Variants in PAK4 observed in about 807,000 individuals in gnomAD.
PAK4 encodes the protein p21 (RAC1) activated kinase 4.
In PAK4, 49 loss-of-function variants were observed where a neutral mutation model predicts 53.5. That is an observed-to-expected ratio of 0.92 (90% CI 0.73 to 1.16). The LOEUF is 1.16. Ranked by LOEUF, PAK4 falls within the 50% of genes most tolerant of loss-of-function variation. The probability of loss-of-function intolerance (pLI) is 0.00; values close to 1 mark genes in which losing one functional copy is unlikely to be tolerated. For synonymous variants in PAK4, 376 were observed against 375.6 expected, an observed-to-expected ratio of 1.00 and a Z score of -0.01; for missense variants, 824 against 850.7, an observed-to-expected ratio of 0.97 and a Z score of 0.39.
chr19:39,156,716 G>C (rs750247), intron 1 of PAK4: 45,574 of 152,302 alleles, frequency 0.3, 7,386 homozygotes, highest in Middle Eastern at 0.39. Context: ...AGCCCAGGCA[G>C]CCCTCCTCGG....
At chr19:39,137,791 G>C (rs112571653) in intron 1 of PAK4, among the ~76,000 whole-genome samples, 1 of 151,136 alleles carries the variant, frequency 6.6e-6, no homozygotes, top group African/African-American at 2.4e-5. Context: ...CTCAGCCTCC[G>C]GAGTAGCTGG....
chr19:39,175,513 T>G lies in PAK4; in HGVS notation c.1359+75T>G. The stretch of plus-strand genomic sequence containing the variant: ...GGCTTCCCTGCCTCTTCCCATCCCC[T>G]GTGAGGGTAGGTGAGCTCTGACCCC... On this transcript the variant is annotated intron_variant, in intron 6 of 8. Coordinates refer to ENST00000358301, the Ensembl canonical transcript of PAK4. The surrounding 1 kb of genome is among the most constrained non-coding windows in gnomAD (Gnocchi z 4.7). 6.8e-7 allele frequency: 1 copy of G among 1,461,590 alleles called. No homozygotes were observed. Among genetic ancestry groups the G allele is most frequent in the East Asian group, 2.4e-5 (1 of 42,022 alleles). The allele number at this position is 1,461,590 out of a possible 1,614,324, so 90.5% of individuals were successfully genotyped here.
intron 1 of PAK4, among the ~76,000 whole-genome samples, chr19:39,149,258 G>A (rs913440847): frequency 2.6e-5 from 4 of 152,190 alleles, no homozygotes; most frequent in African/African-American, 9.7e-5. Flanking sequence ...GTCCATCAGT[G>A]GATGAATGGA....
intron 1 of PAK4, among the ~76,000 whole-genome samples, chr19:39,132,289 A>G (rs932588778): frequency 1.3e-5 from 2 of 152,226 alleles, no homozygotes; most frequent in African/African-American, 4.8e-5. Context: ...CACACAGCAC[A>G]AAAGGATGTA....
chr19:39,163,816 G>T (rs2074323660), intron 1 of PAK4, among the ~76,000 whole-genome samples: 1 of 152,156 alleles, frequency 6.6e-6, no homozygotes, highest in Non-Finnish European at 1.5e-5. Context: ...CCCGGGTGCT[G>T]CTGGGCCTTG....
intron 1 of PAK4, among the ~76,000 whole-genome samples, chr19:39,145,187 C>T (rs958219653): frequency 6.6e-6 from 1 of 152,188 alleles, no homozygotes; most frequent in African/African-American, 2.4e-5. Flanking sequence ...CCCTCAGGCC[C>T]GCTGCCCAGC....
At chr19:39,145,893 T>G (rs916954689) in intron 1 of PAK4, among the ~76,000 whole-genome samples, 2 of 148,978 alleles carry the variant, frequency 1.3e-5, no homozygotes, top group Non-Finnish European at 3.0e-5. Context: ...GCTCTATATC[T>G]AGCTGACCTG....
intron 1 of PAK4, among the ~76,000 whole-genome samples, chr19:39,137,890 T>C (rs1188405962): frequency 4.6e-5 from 7 of 152,044 alleles, no homozygotes; most frequent in Non-Finnish European, 1.0e-4. Flanking sequence ...ATGGTCTCGA[T>C]CTCCTGACCT....
exon 2 of PAK4, chr19:39,169,682 C>G (rs373656030): frequency 8.7e-6 from 14 of 1,613,010 alleles, no homozygotes; most frequent in Non-Finnish European, 1.2e-5. Flanking sequence ...AGAGCCTGAT[C>G]GAGGAGTCGG....
downstream of PAK4, chr19:39,179,641 A>G (rs569594760): frequency 1.3e-5 from 2 of 152,268 alleles, no homozygotes; most frequent in Non-Finnish European, 2.9e-5. Flanking sequence ...GCCACAGTCC[A>G]TGTGCAGACT....
Position 39,175,252 on chromosome 19 carries a change from C to A in PAK4, c.1233-60C>A. 1 of 1,522,334 alleles carries A rather than the reference C, an allele frequency of 6.6e-7. No individual in the cohort carries two copies. Among genetic ancestry groups the A allele is most frequent in the Non-Finnish European group, 8.9e-7 (1 of 1,123,060 alleles). The allele number at this position is 1,522,334 out of a possible 1,614,324, so 94.3% of individuals were successfully genotyped here. Reference sequence around the variant, plus strand: ...CTCCCACTGCAAGGCAGGGCTGCGTCCCCCTCGGCACCCCGGGGTGCTGTC... The same window carrying A: ...CTCCCACTGCAAGGCAGGGCTGCGTACCCCTCGGCACCCCGGGGTGCTGTC... On this transcript the variant is annotated intron_variant, in intron 5 of 8. Transcript: ENST00000358301. This position sits in a 1 kb window ranked among gnomAD's most constrained non-coding sequence, Gnocchi z 4.7.
chr19:39,166,944 A>C (rs1381737412), intron 1 of PAK4, among the ~76,000 whole-genome samples: 1 of 152,198 alleles, frequency 6.6e-6, no homozygotes, highest in Non-Finnish European at 1.5e-5. Context: ...CCCAGAGGGA[A>C]GGGGTGGCCC....
chr19:39,137,889 A>T (rs182847561), intron 1 of PAK4, among the ~76,000 whole-genome samples: 2 of 151,418 alleles, frequency 1.3e-5, no homozygotes, highest in African/African-American at 4.9e-5. Context: ...GATGGTCTCG[A>T]TCTCCTGACC....
intron 1 of PAK4, among the ~76,000 whole-genome samples, chr19:39,142,258 C>A (rs1299896625): frequency 6.6e-6 from 1 of 152,176 alleles, no homozygotes; most frequent in Admixed American, 6.5e-5. Context: ...GGTGTCATTG[C>A]ACGTGTTCTC....
In PAK4 at chr19:39,126,449, G is replaced by A. The variant is rs1807018; in HGVS notation, c.-23+530G>A. Reference sequence around the variant, plus strand: ...GGAGGGCGTATTGCGGGGGACGGGGGGGGGGGGGGGGGCCGGGTCAGAGAT... The same window carrying A: ...GGAGGGCGTATTGCGGGGGACGGGGAGGGGGGGGGGGGCCGGGTCAGAGAT... On this transcript the variant is annotated intron_variant, in intron 1 of 8. Coordinates refer to ENST00000358301, the Ensembl canonical transcript of PAK4. 1.4e-3 allele frequency among the ~76,000 whole-genome samples: 130 copies of A among 91,678 alleles called. 3 individuals carry two copies. The highest frequency in any genetic ancestry group is 6.0e-3 in the Middle Eastern group (1 of 166). 60.1% of individuals were successfully genotyped at this position (91,678 alleles called of 152,430 possible).
intron 1 of PAK4, among the ~76,000 whole-genome samples, chr19:39,148,970 C>T (rs961193585): frequency 2.6e-5 from 4 of 152,058 alleles, no homozygotes; most frequent in African/African-American, 7.2e-5. Context: ...TCAGTTACCA[C>T]GATGAGATAC....
At chr19:39,164,364 A>T (rs1257142347) in intron 1 of PAK4, among the ~76,000 whole-genome samples, 6 of 151,984 alleles carry the variant, frequency 3.9e-5, no homozygotes. Flanking sequence ...GATAAAGCAG[A>T]GACAGGTGTA....
chr19:39,138,680 C>G (rs1428813314), intron 1 of PAK4, among the ~76,000 whole-genome samples: 1 of 152,234 alleles, frequency 6.6e-6, no homozygotes, highest in Non-Finnish European at 1.5e-5. Flanking sequence ...CCATTCTCTG[C>G]TTCTTCCCTG....
intron 1 of PAK4, among the ~76,000 whole-genome samples, chr19:39,152,637 C>A (rs1568509361): frequency 6.6e-6 from 1 of 152,172 alleles, no homozygotes. Flanking sequence ...TGTCACACCT[C>A]AAACTGCGAA....
Sources: gnomAD v4.1 joint callset for allele counts (sites outside exome capture counted in the v4.1 genomes callset) on GRCh38, gnomAD v4.1.1 for gene constraint, Gnocchi (gnomAD v3.1) non-coding constraint, MANE v1.5 for transcripts, NCBI Gene and HGNC (gene_info 2026-07-23, HGNC 2026-07-21) for gene names.